The following VPS13B variants were observed in gnomAD, a reference collection of about 807,000 sequenced individuals.
VPS13B encodes vacuolar protein sorting 13 homolog B.
Under a neutral mutation model 426.4 loss-of-function variants are expected in VPS13B, and 285 were observed. The observed-to-expected ratio is 0.67, with a 90% CI of 0.61 to 0.74. The LOEUF is 0.74. Among genes scored for constraint, VPS13B ranks in the 30% least tolerant of loss-of-function variants. The pLI is 0.00. For synonymous variants in VPS13B, 1,676 were observed against 1,676.4 expected, an observed-to-expected ratio of 1.00 and a Z score of 0.01; for missense variants, 4,537 against 4,782.6, an observed-to-expected ratio of 0.95 and a Z score of 1.51.
intron 15 of VPS13B, among the ~76,000 whole-genome samples, 186 bp downstream of exon 15, chr8:99,156,929 G>T (rs1013742793): frequency 6.6e-6 from 1 of 152,070 alleles, no homozygotes; most frequent in Admixed American, 6.5e-5. Context: ...TTATTTTAAA[G>T]ATTTTTCAAT....
chr8:99,558,759 A>G (rs1032489830), intron 31 of VPS13B, among the ~76,000 whole-genome samples: 4 of 152,310 alleles, frequency 2.6e-5, no homozygotes, highest in African/African-American at 4.8e-5. Context: ...TTATGGCTGC[A>G]TAGTATTCCG....
At chr8:99,070,016 C>A (rs187373123) in intron 3 of VPS13B, among the ~76,000 whole-genome samples, 23 of 152,270 alleles carry the variant, frequency 1.5e-4, no homozygotes, top group Admixed American at 9.2e-4. Context: ...TGATTCCCCC[C>A]GCCACGGCAT....
At chr8:99,232,629 C>G (rs1588159763) in intron 17 of VPS13B, among the ~76,000 whole-genome samples, 1 of 152,322 alleles carries the variant, frequency 6.6e-6, no homozygotes, top group Middle Eastern at 3.4e-3. Context: ...GGCCACGTAT[C>G]TTACCATCGT....
chr8:99,409,997 T>C (rs77630923), intron 21 of VPS13B, among the ~76,000 whole-genome samples: 12,054 of 152,022 alleles, frequency 0.079, 601 homozygotes, highest in African/African-American at 0.14. Flanking sequence ...GCATACAGAG[T>C]GGTATAATGG....
chr8:99,298,372 C>T (rs1464404733), intron 19 of VPS13B, among the ~76,000 whole-genome samples: 1 of 152,114 alleles, frequency 6.6e-6, no homozygotes, highest in East Asian at 1.9e-4. Flanking sequence ...CCTGTAATCC[C>T]AGCTACTTAG....
chr8:99,834,606 G>A (rs1815277901), intron 52 of VPS13B, among the ~76,000 whole-genome samples: 1 of 151,766 alleles, frequency 6.6e-6, no homozygotes. Flanking sequence ...GCACAAACAC[G>A]GCTCACTGCA....
chr8:99,684,512 G>C (rs1437546679), intron 35 of VPS13B, among the ~76,000 whole-genome samples: 2 of 152,154 alleles, frequency 1.3e-5, no homozygotes, highest in Admixed American at 1.3e-4. Flanking sequence ...GCTTTGGGCT[G>C]CCATTAGTCT....
At position 99,449,259 on chromosome 8, in the gene VPS13B, G is replaced by T. The variant is rs546654700; in HGVS notation, c.3445+6624G>T. The stretch of plus-strand genomic sequence containing the variant: ...CTGTAGAATAACTCCGTGGTTCTTA[G>T]CTTAGATGTCAATATACATTATTTA... On this transcript the variant is annotated intron_variant, in intron 23 of 61. Coordinates refer to ENST00000357162, the MANE Select transcript of VPS13B (RefSeq NM_152564.5). Among the ~76,000 whole-genome samples, 20 of 152,312 alleles carry T rather than the reference G, an allele frequency of 1.3e-4. No individual in the cohort carries two copies. In the East Asian group the frequency reaches 3.7e-3, roughly 28 times the overall value.
At chr8:99,819,288 AATGGACTCTAT>A in intron 47 of VPS13B, 113 bp from the exon 48 acceptor site, 1 of 1,150,824 alleles carries the variant, frequency 8.7e-7, no homozygotes. Flanking sequence ...CTGTCCCATA[AATGGACTCTAT>A]CTACCAAAAA....
intron 21 of VPS13B, chr8:99,424,507 T>C (rs1490463779): frequency 6.6e-6 from 1 of 152,088 alleles, no homozygotes; most frequent in Non-Finnish European, 1.5e-5. Context: ...TTCTTTGAAA[T>C]TAACGAGAAC....
intron 2 of VPS13B, among the ~76,000 whole-genome samples, chr8:99,035,823 T>G (rs529796111): frequency 1.2e-3 from 181 of 152,320 alleles, no homozygotes; most frequent in Middle Eastern, 3.4e-3. Context: ...CAACACTTAC[T>G]ATGTTTTTGA....
chr8:99,696,209 G>T lies in VPS13B; in HGVS notation c.6047-3316G>T. 2.2e-5 allele frequency: 4 copies of T among 179,254 alleles called. No homozygotes were observed. The South Asian group carries it at 5.0e-4, about 23-fold the overall frequency. 11.1% of individuals were successfully genotyped at this position (179,254 alleles called of 1,614,324 possible). On this transcript the variant is annotated intron_variant, in intron 35 of 61. Coordinates refer to ENST00000357162, the MANE Select transcript of VPS13B (RefSeq NM_152564.5). ...GCACTCTTCACGCCGTGTCTCTGAT[G>T]ACTTGGTAGTAGAGAAGTCCCTCAA... is the stretch of plus-strand genomic sequence containing the variant.
At chr8:99,688,464 C>G (rs1831512201) in intron 35 of VPS13B, among the ~76,000 whole-genome samples, 1 of 151,868 alleles carries the variant, frequency 6.6e-6, no homozygotes, top group South Asian at 2.1e-4. Context: ...GGCTTGGGAC[C>G]AGATAAAGAG....
At chr8:99,552,919 A>G (rs1347367035) in intron 30 of VPS13B, among the ~76,000 whole-genome samples, 1 of 152,092 alleles carries the variant, frequency 6.6e-6, no homozygotes, top group Non-Finnish European at 1.5e-5. Context: ...TCACATGTAG[A>G]TTCATGTAAC....
At chr8:99,743,112 GGCA>G in intron 39 of VPS13B, among the ~76,000 whole-genome samples, 1 of 152,242 alleles carries the variant, frequency 6.6e-6, no homozygotes, top group African/African-American at 2.4e-5. Flanking sequence ...TAAGCTGATA[GGCA>G]ACTTCAGCAA....
chr8:99,501,944 CT>C, intron 26 of VPS13B, 86 bp downstream of exon 26: 1 of 1,303,800 alleles, frequency 7.7e-7, no homozygotes, highest in Admixed American at 2.3e-5. Flanking sequence ...TCCTTCCTTT[CT>C]TTTCTGTCTG....
chr8:99,496,579 A>G (rs1476573041), intron 25 of VPS13B, among the ~76,000 whole-genome samples: 1 of 152,074 alleles, frequency 6.6e-6, no homozygotes, highest in Admixed American at 6.6e-5. Flanking sequence ...TGAACCCGGG[A>G]GGCGGAGCTT....
At chr8:99,573,894 A>T (rs533825443) in intron 31 of VPS13B, among the ~76,000 whole-genome samples, 60 of 152,276 alleles carry the variant, frequency 3.9e-4, no homozygotes, top group African/African-American at 1.4e-3. Context: ...CTTGGGCAGT[A>T]TGGCCATTTT....
intron 17 of VPS13B, among the ~76,000 whole-genome samples, chr8:99,249,205 T>C (rs1484496832): frequency 6.6e-6 from 1 of 152,206 alleles, no homozygotes; most frequent in East Asian, 1.9e-4. Flanking sequence ...TATCAATAGT[T>C]CATTCATTTT....
Sources: gnomAD v4.1 joint callset for allele counts (sites outside exome capture counted in the v4.1 genomes callset) on GRCh38, gnomAD v4.1.1 for gene constraint, MANE v1.5 for transcripts, NCBI Gene and HGNC (gene_info 2026-07-23, HGNC 2026-07-21) for gene names.